The following SLC6A11 variants were observed in gnomAD, a reference collection of about 807,000 sequenced individuals.
SLC6A11 encodes the protein sodium- and chloride-dependent GABA transporter 3.
SLC6A11 carries 25 observed loss-of-function variants against 74.8 expected under a neutral mutation model. The ratio of observed to expected loss-of-function variants is 0.33; its 90% CI spans 0.24 to 0.47. SLC6A11 has a LOEUF of 0.47. Ranked by LOEUF, SLC6A11 falls within the 20% of genes least tolerant of loss-of-function variation. The pLI, the probability that SLC6A11 is intolerant of heterozygous loss-of-function variation, is 1.00. For missense variants in SLC6A11, 574 were observed against 837.0 expected (o/e 0.69, Z 3.88); for synonymous variants, 330 against 330.2 (o/e 1.00, Z 0.01).
At chr3:10,935,489 A>T (rs1031694540) in intron 13 of SLC6A11, 6 of 355,688 alleles carry the variant, frequency 1.7e-5, no homozygotes, top group Non-Finnish European at 3.1e-5. Context: ...GTGAGTTCAT[A>T]TAGGAAAAGC....
intron 5 of SLC6A11, among the ~76,000 whole-genome samples, chr3:10,866,111 C>CT (rs1189324016): frequency 2.6e-5 from 4 of 152,190 alleles, no homozygotes; most frequent in African/African-American, 9.7e-5. Flanking sequence ...ACCCAGACTC[C>CT]TTCTGTTCTG....
At chr3:10,828,128 A>C (rs546457607) in intron 4 of SLC6A11, among the ~76,000 whole-genome samples, 2 of 152,218 alleles carry the variant, frequency 1.3e-5, no homozygotes, top group African/African-American at 2.4e-5. Context: ...TATTAAGTGC[A>C]TAACCAATAT....
At position 10,926,043 on chromosome 3, in the gene SLC6A11, C is replaced by A; in HGVS notation, c.1160C>A (p.Thr387Asn). The stretch of plus-strand genomic sequence containing the variant: ...TTTATTGCGTACCCCAAGGCGGTCA[C>A]CATGATGCCTCTCTCCCCGCTGTGG... ...LAFIAYPKAV[T>N]MMPLSPLWAT... Residue 387 changes from threonine (T) to asparagine (N), a missense_variant, in exon 9 of 14, where the codon ACC becomes AAC. By Grantham distance (65) the Thr-to-Asn change is moderately conservative. This residue lies in a region of SLC6A11 where 257 missense variants were observed against 341.5 expected (regional missense o/e 0.75). Coordinates refer to ENST00000254488, the MANE Select transcript of SLC6A11 (RefSeq NM_014229.3). This position sits in a 1 kb window ranked among gnomAD's most constrained non-coding sequence, Gnocchi z 5.7. 2 of 1,613,698 alleles carry A rather than the reference C, an allele frequency of 1.2e-6. No individual in the cohort carries two copies. The highest frequency in any genetic ancestry group is 1.7e-6 in the Non-Finnish European group (2 of 1,179,678).
At chr3:10,907,252 GTAAC>G (rs929909838) in intron 6 of SLC6A11, among the ~76,000 whole-genome samples, 8 of 152,118 alleles carry the variant, frequency 5.3e-5, no homozygotes, top group African/African-American at 1.4e-4. Flanking sequence ...TTCAGAAAAA[GTAAC>G]TAAAATGAAG....
At chr3:10,936,887 C>G (rs1695765972) in intron 13 of SLC6A11, among the ~76,000 whole-genome samples, 2 of 152,150 alleles carry the variant, frequency 1.3e-5, no homozygotes, top group Non-Finnish European at 2.9e-5. Context: ...TCCTAAGCCC[C>G]CTCCATCTCC....
At chr3:10,899,953 G>T (rs555691441) in intron 6 of SLC6A11, among the ~76,000 whole-genome samples, 13 of 152,302 alleles carry the variant, frequency 8.5e-5, no homozygotes, top group African/African-American at 2.9e-4. Flanking sequence ...ATTCTCTCTT[G>T]CAGGTTTCTG....
At chr3:10,898,104 C>G (rs1695192539) in intron 6 of SLC6A11, among the ~76,000 whole-genome samples, 1 of 152,186 alleles carries the variant, frequency 6.6e-6, no homozygotes, top group Non-Finnish European at 1.5e-5. Context: ...CACCATGTCC[C>G]CAAGCTGCAG....
chr3:10,838,498 C>A (rs139507000), intron 4 of SLC6A11, among the ~76,000 whole-genome samples: 329 of 152,330 alleles, frequency 2.2e-3, no homozygotes, highest in African/African-American at 7.5e-3. Context: ...CTTGTAATCT[C>A]AGCACTTTGG....
chr3:10,929,448 C>G, intron 10 of SLC6A11, 109 bp downstream of exon 10: 1 of 1,198,166 alleles, frequency 8.3e-7, no homozygotes, highest in Non-Finnish European at 1.2e-6. Flanking sequence ...TGCCCTCTGC[C>G]ACTCGGTTTA....
intron 5 of SLC6A11, among the ~76,000 whole-genome samples, chr3:10,857,717 T>C (rs1226876739): frequency 2.6e-5 from 4 of 152,222 alleles, no homozygotes; most frequent in African/African-American, 9.6e-5. Context: ...TACAAGCCAC[T>C]CACAGACCCT....
intron 4 of SLC6A11, 70 bp downstream of exon 4, chr3:10,823,462 C>A: frequency 9.5e-7 from 1 of 1,048,838 alleles, no homozygotes; most frequent in Non-Finnish European, 1.5e-6. Flanking sequence ...GTTGGTCTTG[C>A]CCCTATTCCT....
At chr3:10,932,425 A>C (rs1881369) in intron 10 of SLC6A11, among the ~76,000 whole-genome samples, 131,498 of 152,168 alleles carry the variant, frequency 0.86, 57,092 homozygotes, top group Admixed American at 0.9. Flanking sequence ...GTTTATCACC[A>C]CCTACTGTGC....
At chr3:10,897,831 A>C (rs1430534929) in intron 6 of SLC6A11, among the ~76,000 whole-genome samples, 1 of 152,202 alleles carries the variant, frequency 6.6e-6, no homozygotes, top group East Asian at 1.9e-4. Context: ...CTGACCCCAC[A>C]TTTCCTGTCT....
At position 10,940,579 on chromosome 3, in the gene SLC6A11, T is replaced by G. The variant is rs1695813012; in HGVS notation, c.*2177T>G. ...ATATTCATTAGAAACAATACATCCT[T>G]TCTGAGATATTTACAGTATTATTAA... On this transcript the variant is annotated 3_prime_UTR_variant, in exon 14 of 14. Coordinates refer to ENST00000254488, the MANE Select transcript of SLC6A11 (RefSeq NM_014229.3). The G allele has an allele frequency of 6.6e-6, 1 of 152,208 alleles. No homozygotes were observed. Among genetic ancestry groups the G allele is most frequent in the African/African-American group, 2.4e-5 (1 of 41,448 alleles). 9.4% of individuals were successfully genotyped at this position (152,208 alleles called of 1,614,324 possible).
chr3:10,840,402 T>C (rs1025751433), intron 4 of SLC6A11, among the ~76,000 whole-genome samples: 1 of 152,196 alleles, frequency 6.6e-6, no homozygotes, highest in Admixed American at 6.5e-5. Context: ...TCTCCTGCTA[T>C]GCCTGGGAGC....
In SLC6A11 at chr3:10,816,674, C is replaced by G. The variant is rs540798327; in HGVS notation, c.256+153C>G. Among the ~76,000 whole-genome samples the G allele has an allele frequency of 2.0e-5, 3 of 152,188 alleles. No homozygotes were observed. The highest frequency in any genetic ancestry group is 4.4e-5 in the Non-Finnish European group (3 of 68,026). ...AGGCACCTCGCGTGTGAGCTCGCCC[C>G]GGAGCGCGGCCCACCTGTGCCAGTG... On this transcript the variant is annotated intron_variant, in intron 1 of 13. Coordinates refer to ENST00000254488, the MANE Select transcript of SLC6A11 (RefSeq NM_014229.3). The surrounding 1 kb of genome is among the most constrained non-coding windows in gnomAD (Gnocchi z 4.2).
chr3:10,930,406 C>T (rs564323528), intron 10 of SLC6A11, among the ~76,000 whole-genome samples: 6 of 152,350 alleles, frequency 3.9e-5, no homozygotes, highest in African/African-American at 1.2e-4. Context: ...CAATTCAGCA[C>T]CTGGCATGGG....
Position 10,918,500 on chromosome 3 carries a change from G to A in SLC6A11, c.1120+47G>A. The A allele has an allele frequency of 6.4e-7, 1 of 1,569,212 alleles. No homozygotes were observed. The highest frequency in any genetic ancestry group is 8.6e-7 in the Non-Finnish European group (1 of 1,162,416). On this transcript the variant is annotated intron_variant, in intron 8 of 13. Transcript: ENST00000254488. The surrounding 1 kb of genome is among the most constrained non-coding windows in gnomAD (Gnocchi z 4.5). Reference sequence around the variant, plus strand: ...ATGGAAAAGGCGGCAAGGGAGGCCAGGAGTGATGGTCATCATGGAAATGCG... The same window carrying A: ...ATGGAAAAGGCGGCAAGGGAGGCCAAGAGTGATGGTCATCATGGAAATGCG...
chr3:10,917,205 C>T (rs1575702158), intron 7 of SLC6A11, among the ~76,000 whole-genome samples: 1 of 152,176 alleles, frequency 6.6e-6, no homozygotes, highest in Non-Finnish European at 1.5e-5. Flanking sequence ...GAAGGAACTC[C>T]AGGCTGTTTT....
Sources: allele counts gnomAD v4.1 joint callset (sites outside exome capture counted in the v4.1 genomes callset), GRCh38; gene constraint gnomAD v4.1.1; regional missense constraint gnomAD v4.1.1; non-coding constraint Gnocchi (gnomAD v3.1); transcripts MANE v1.5; gene names NCBI Gene and HGNC (gene_info 2026-07-23, HGNC 2026-07-21).